CHST6: variants seen among roughly 807,000 people sequenced by gnomAD.
CHST6 encodes the protein N-acetylglucosamine 6-O-sulfotransferase 5.
For synonymous variants in CHST6, 309 were observed against 276.4 expected (o/e 1.12, Z -1.17); for missense variants, 698 against 586.2 (o/e 1.19, Z -1.97).
chr16:75,492,781 C>A (rs1239141711), intron 1 of CHST6, among the ~76,000 whole-genome samples: 3 of 151,964 alleles, frequency 2.0e-5, no homozygotes, highest in Non-Finnish European at 4.4e-5. Flanking sequence ...GCCAGGAGTC[C>A]GAAGCTGCAG....
At chr16:75,487,714 G>GC (rs1396535007) in intron 1 of CHST6, among the ~76,000 whole-genome samples, 1 of 151,390 alleles carries the variant, frequency 6.6e-6, no homozygotes, top group Admixed American at 6.6e-5. Context: ...TGGGAGAATG[G>GC]CGTGAATCTG....
At chr16:75,483,106 C>T (rs910493937) in intron 1 of CHST6, among the ~76,000 whole-genome samples, 13 of 152,172 alleles carry the variant, frequency 8.5e-5, no homozygotes, top group South Asian at 2.1e-4. Flanking sequence ...GAGGTGGGCA[C>T]GATGATGTCA....
rs368339243 is a variant in CHST6 at position 75,479,247 on chromosome 16, G to A, written c.582C>T (p.Asn194=). The A allele has an allele frequency of 2.5e-6, 4 of 1,612,160 alleles. No homozygotes were observed. The African/African-American group carries it at 4.0e-5, about 16-fold the overall frequency. Residue 194 remains asparagine (N), a synonymous_variant, in exon 3 of 3, where the codon AAC becomes AAT. Transcript: ENST00000332272. The stretch of plus-strand genomic sequence containing the variant: ...CGCGCACCAGGTGCACGATGCGTAG[G>A]TTGAGCGCGGGGTCGCTGAGCAGCG... ...LYPLLSDPAL[N]LRIVHLVRDP...
intron 1 of CHST6, among the ~76,000 whole-genome samples, chr16:75,489,545 G>C (rs1258024176): frequency 6.6e-6 from 1 of 151,932 alleles, no homozygotes; most frequent in African/African-American, 2.4e-5. Flanking sequence ...AAGTAACAAA[G>C]CTGACATACA....
rs554213059 is a variant in CHST6 at position 75,472,303 on chromosome 16, C to G, written c.*6338G>C. On this transcript the variant is annotated 3_prime_UTR_variant, in exon 3 of 3. Transcript: ENST00000332272. The stretch of plus-strand genomic sequence containing the variant: ...ATGAAGCTTCTTTTTTTTTAAGAAG[C>G]CTGAGGGGAAAATGCCATAAAGTAA... 1.2e-4 allele frequency: 18 copies of G among 151,532 alleles called. No individual in the cohort carries two copies. The highest frequency in any genetic ancestry group is 4.2e-4 in the South Asian group (2 of 4,792). The allele number at this position is 151,532 out of a possible 1,614,324, so 9.4% of individuals were successfully genotyped here. A position where few individuals can be genotyped will look rare whatever the true frequency, so the allele number is the denominator to read the frequency against.
intron 1 of CHST6, among the ~76,000 whole-genome samples, chr16:75,489,656 A>C (rs1197376948): frequency 2.0e-5 from 3 of 152,080 alleles, no homozygotes. Flanking sequence ...GAACACTCAC[A>C]GATGGGAGAA....
rs539668286 is a variant in CHST6, at chr16:75,485,203, C to A, written c.-91-3312G>T. On this transcript the variant is annotated intron_variant, in intron 1 of 2. Coordinates refer to ENST00000332272, the MANE Select transcript of CHST6 (RefSeq NM_021615.5). Reference sequence around the variant, plus strand: ...CTTGTTTTGGTACCCAGGAGGAGCACCCTAAGCAGTGGTCCTTCTTAAGTC... The same window carrying A: ...CTTGTTTTGGTACCCAGGAGGAGCAACCTAAGCAGTGGTCCTTCTTAAGTC... Among the ~76,000 whole-genome samples, 9 of 152,282 alleles carry A rather than the reference C, an allele frequency of 5.9e-5. No homozygotes were observed. In the East Asian group the frequency reaches 1.7e-3, roughly 29 times the overall value.
At chr16:75,480,934 AAAAAAAAAAAAAGAAAAG>A (rs2080134682) in intron 2 of CHST6, among the ~76,000 whole-genome samples, 2 of 113,358 alleles carry the variant, frequency 1.8e-5, no homozygotes. Flanking sequence ...TTCCAAAAAA[AAAAAAAAAAAAAGAAAAG>A]AAAAGAAAAG....
chr16:75,478,780 G>C lies in CHST6; in HGVS notation c.1049C>G (p.Ala350Gly), dbSNP rs373710911. The change falls in exon 3 of 3, where the codon GCT becomes GGT. Residue 350 changes from alanine (A) to glycine (G), a missense_variant. By Grantham distance (60) the Ala-to-Gly change is moderately conservative. Transcript: ENST00000332272. The part of the protein sequence containing the change: ...AKIRRVQELC[A>G]GALQLLGYRP... ...GTAGCCCAGCAGCTGCAGCGCACCAGCGCACAGTTCCTGCACGCGGCGGAT... is the reference window on the plus strand; with the variant it reads ...GTAGCCCAGCAGCTGCAGCGCACCACCGCACAGTTCCTGCACGCGGCGGAT... 36 of 1,613,400 alleles carry C rather than the reference G, an allele frequency of 2.2e-5. No homozygotes were observed. The highest frequency in any genetic ancestry group is 2.9e-5 in the Non-Finnish European group (34 of 1,180,012).
chr16:75,482,297 C>T (rs2151668105), intron 1 of CHST6, among the ~76,000 whole-genome samples: 1 of 152,274 alleles, frequency 6.6e-6, no homozygotes, highest in South Asian at 2.1e-4. Flanking sequence ...GCTGGTAATC[C>T]CAGCACTTTG....
intron 1 of CHST6, among the ~76,000 whole-genome samples, chr16:75,486,792 C>A (rs557585421): frequency 1.3e-5 from 2 of 152,126 alleles, no homozygotes; most frequent in Non-Finnish European, 2.9e-5. Flanking sequence ...CACTTACACC[C>A]AAGAGTGGTG....
In CHST6 at chr16:75,478,518, G is replaced by C. The variant is rs1008324228; in HGVS notation, c.*123C>G. 8.5e-6 allele frequency: 8 copies of C among 941,330 alleles called. No homozygotes were observed. The highest frequency in any genetic ancestry group is 2.5e-5 in the East Asian group (1 of 39,696). The allele number at this position is 941,330 out of a possible 1,614,324, so 58.3% of individuals were successfully genotyped here. A position where few individuals can be genotyped will look rare whatever the true frequency, so the allele number is the denominator to read the frequency against. Reference sequence around the variant, plus strand: ...GTGCAGTCCTTGCCTACTTGGGGAGGGGGAGGGGTCGTACCACAAACTCCT... The same window carrying C: ...GTGCAGTCCTTGCCTACTTGGGGAGCGGGAGGGGTCGTACCACAAACTCCT... On this transcript the variant is annotated 3_prime_UTR_variant, in exon 3 of 3. Coordinates refer to ENST00000332272, the MANE Select transcript of CHST6 (RefSeq NM_021615.5).
chr16:75,488,886 T>G (rs2080229232), intron 1 of CHST6, among the ~76,000 whole-genome samples: 1 of 151,108 alleles, frequency 6.6e-6, no homozygotes, highest in Non-Finnish European at 1.5e-5. Flanking sequence ...AAACTTCGTC[T>G]CAAAGAAAAA....
At chr16:75,488,970 T>C (rs2080230083) in intron 1 of CHST6, among the ~76,000 whole-genome samples, 1 of 152,050 alleles carries the variant, frequency 6.6e-6, no homozygotes, top group Non-Finnish European at 1.5e-5. Context: ...AAGGAACCCC[T>C]GCAAACATCA....
rs552882611 is a variant in CHST6, at chr16:75,487,730, C to A, written c.-91-5839G>T. ...GGGAGAATGGCGTGAATCTGGGAGG[C>A]AGAGCTTGCAGTGAGCTGAGATCGT... On this transcript the variant is annotated intron_variant, in intron 1 of 2. Transcript: ENST00000332272. 1.3e-3 allele frequency among the ~76,000 whole-genome samples: 186 copies of A among 146,370 alleles called. 3 individuals carry two copies. Among genetic ancestry groups the A allele is most frequent in the African/African-American group, 4.5e-3 (177 of 39,352 alleles).
In CHST6 at chr16:75,478,610, G is replaced by C; in HGVS notation, c.*31C>G. The C allele has an allele frequency of 6.2e-7, 1 of 1,608,710 alleles. No individual in the cohort carries two copies. Among genetic ancestry groups the C allele is most frequent in the African/African-American group, 1.3e-5 (1 of 74,994 alleles). On this transcript the variant is annotated 3_prime_UTR_variant, in exon 3 of 3. Transcript: ENST00000332272. ...CTCTGCACCATGCACTCTCCTCCCGGGCCTAGCGCCTGCTACAACTGTGGC... is the reference window on the plus strand; with the variant it reads ...CTCTGCACCATGCACTCTCCTCCCGCGCCTAGCGCCTGCTACAACTGTGGC...
intron 1 of CHST6, among the ~76,000 whole-genome samples, chr16:75,484,422 T>A (rs2080173855): frequency 6.6e-6 from 1 of 152,188 alleles, no homozygotes. Flanking sequence ...GTGGTGGGTG[T>A]CGCAGTCCTG....
At chr16:75,489,398 C>CAAAAAAAAAAAAAA (rs901241278) in intron 1 of CHST6, among the ~76,000 whole-genome samples, 1 of 58,100 alleles carries the variant, frequency 1.7e-5, no homozygotes, top group African/African-American at 5.9e-5. Context: ...GACTCTGTCT[C>CAAAAAAAAAAAAAA]AAAAAAAAAA....
chr16:75,475,360 G>C lies in CHST6; in HGVS notation c.*3281C>G, dbSNP rs570691399. 6 of 152,392 alleles carry C rather than the reference G, an allele frequency of 3.9e-5. No individual in the cohort carries two copies. Among genetic ancestry groups the C allele is most frequent in the African/African-American group, 1.4e-4 (6 of 41,464 alleles). 9.4% of individuals were successfully genotyped at this position (152,392 alleles called of 1,614,324 possible). A position where few individuals can be genotyped will look rare whatever the true frequency, so the allele number is the denominator to read the frequency against. On this transcript the variant is annotated 3_prime_UTR_variant, in exon 3 of 3. Transcript: ENST00000332272. Reference sequence around the variant, plus strand: ...AAGTCACAGGACCAGCCTGGATTCAGAGGTGGAGAAACAGACTCTACTTCT... The same window carrying C: ...AAGTCACAGGACCAGCCTGGATTCACAGGTGGAGAAACAGACTCTACTTCT...
Sources: gnomAD v4.1 joint callset for allele counts (sites outside exome capture counted in the v4.1 genomes callset) on GRCh38, gnomAD v4.1.1 for gene constraint, MANE v1.5 for transcripts, NCBI Gene and HGNC (gene_info 2026-07-23, HGNC 2026-07-21) for gene names.